Variants in OGDH observed in about 807,000 individuals in gnomAD.
OGDH encodes the protein 2-oxoglutarate dehydrogenase complex component E1.
A neutral mutation model predicts 116.6 loss-of-function variants in OGDH; 38 were observed. The ratio of observed to expected loss-of-function variants is 0.33; its 90% CI spans 0.25 to 0.43. OGDH has a LOEUF of 0.43. OGDH is among the 20% of genes least tolerant of loss of function. The pLI is 1.00. For missense variants in OGDH, 825 were observed against 1,357.2 expected (o/e 0.61, Z 6.16); for synonymous variants, 488 against 533.3 (o/e 0.92, Z 1.17).
intron 4 of OGDH, chr7:44,656,211 T>TA (rs1421634691): frequency 9.5e-7 from 1 of 1,056,018 alleles, no homozygotes; most frequent in African/African-American, 1.6e-5. Context: ...TGCTACCTGT[T>TA]ACTGTGGTAA....
intron 3 of OGDH, among the ~76,000 whole-genome samples, chr7:44,647,077 G>C (rs1786219186): frequency 1.3e-5 from 2 of 152,190 alleles, no homozygotes; most frequent in South Asian, 4.1e-4. Context: ...ATGTGCCACT[G>C]TACCCAGCAC....
chr7:44,622,508 A>G lies in OGDH; in HGVS notation c.-27-1809A>G, dbSNP rs113646403. On this transcript the variant is annotated intron_variant, in intron 1 of 22. Coordinates refer to ENST00000222673, the MANE Select transcript of OGDH (RefSeq NM_002541.4). ...TTCTGCTGTTTACTTTTGCTGACCT[A>G]TCTCTTCTCAGTGGAGCAGGCCAGA... 7.2e-3 allele frequency among the ~76,000 whole-genome samples: 1,096 copies of G among 151,866 alleles called. 11 individuals carry two copies. Among genetic ancestry groups the G allele is most frequent in the African/African-American group, 0.024 (1,011 of 41,400 alleles).
At chr7:44,643,313 A>G (rs1285337309) in intron 2 of OGDH, among the ~76,000 whole-genome samples, 2 of 152,112 alleles carry the variant, frequency 1.3e-5, no homozygotes, top group African/African-American at 2.4e-5. Flanking sequence ...CTGTGCAGTC[A>G]CATCTCTGGT....
intron 2 of OGDH, among the ~76,000 whole-genome samples, chr7:44,639,733 T>A (rs1785844599): frequency 6.6e-6 from 1 of 152,132 alleles, no homozygotes; most frequent in Admixed American, 6.5e-5. Context: ...GAATGGGCTC[T>A]TTGTCTGAAG....
rs974218114 is a variant in OGDH, at chr7:44,674,559, T to C, written c.935+2T>C. On this transcript the variant is annotated splice_donor_variant, in intron 7 of 22. Transcript: ENST00000222673. LOFTEE classifies it high-confidence loss of function. ...CGTGATCATGGGCATGCCACACAGG[T>C]ACAGCCAAGGGCGCGCCCAACCTGG... The C allele has an allele frequency of 6.2e-7, 1 of 1,613,786 alleles. No homozygotes were observed. The highest frequency in any genetic ancestry group is 8.5e-7 in the Non-Finnish European group (1 of 1,179,942).
chr7:44,613,240 A>T (rs992598832), intron 1 of OGDH, among the ~76,000 whole-genome samples: 1 of 151,800 alleles, frequency 6.6e-6, no homozygotes, highest in South Asian at 2.1e-4. Context: ...CAGTGTTGTG[A>T]TCTCGGCTCA....
intron 1 of OGDH, among the ~76,000 whole-genome samples, chr7:44,618,591 T>G (rs1000364177): frequency 6.6e-6 from 1 of 152,208 alleles, no homozygotes; most frequent in Non-Finnish European, 1.5e-5. Flanking sequence ...GTATTTCTCC[T>G]TGGTTCCTGA....
At chr7:44,616,427 A>C (rs1470384372) in intron 1 of OGDH, among the ~76,000 whole-genome samples, 1 of 152,068 alleles carries the variant, frequency 6.6e-6, no homozygotes, top group African/African-American at 2.4e-5. Context: ...AGTCCCTACC[A>C]GTGGTGACCA....
chr7:44,690,838 T>G (rs1327064071), intron 10 of OGDH, among the ~76,000 whole-genome samples: 1 of 152,224 alleles, frequency 6.6e-6, no homozygotes, highest in Non-Finnish European at 1.5e-5. Context: ...CTGCAGGCCC[T>G]TCTTTACATG....
At chr7:44,623,960 A>G (rs796238155) in intron 1 of OGDH, among the ~76,000 whole-genome samples, 10 of 152,146 alleles carry the variant, frequency 6.6e-5, no homozygotes, top group African/African-American at 2.4e-4. Context: ...TAAATTTTTA[A>G]GTGAAGATGG....
intron 2 of OGDH, among the ~76,000 whole-genome samples, 161 bp from the exon 3 acceptor site, chr7:44,645,166 A>G (rs1786112638): frequency 6.6e-6 from 1 of 152,036 alleles, no homozygotes; most frequent in South Asian, 2.1e-4. Context: ...AGAGAAACCC[A>G]CCGTTTGGGA....
rs753855534 is a variant in OGDH at position 44,707,899 on chromosome 7, C to A, written c.2972C>A (p.Ala991Glu). 6.2e-7 allele frequency: 1 copy of A among 1,613,438 alleles called. No homozygotes were observed. The highest frequency in any genetic ancestry group is 8.5e-7 in the Non-Finnish European group (1 of 1,179,866). The change falls in exon 23 of 23, where the codon GCG (alanine) becomes GAG (glutamate). Residue 991 changes from alanine to glutamate, a missense_variant. Around this residue, in one of 7 missense-constraint regions of OGDH, gnomAD observed 212 missense variants for 284.3 expected, o/e 0.75. Coordinates refer to ENST00000222673, the MANE Select transcript of OGDH (RefSeq NM_002541.4). The surrounding 1 kb of genome is among the most constrained non-coding windows in gnomAD (Gnocchi z 5.2). ...CTCAGGTATGCCGGCCGGGACCCAG[C>A]GGCTGCTCCAGCCACCGGCAACAAG... ...KPVWYAGRDP[A>E]AAPATGNKKT...
chr7:44,650,945 A>C (rs912360924), intron 4 of OGDH, among the ~76,000 whole-genome samples: 1 of 152,198 alleles, frequency 6.6e-6, no homozygotes, highest in Non-Finnish European at 1.5e-5. Flanking sequence ...CTGTGGATGC[A>C]GGCACAGTTT....
Position 44,621,364 on chromosome 7 carries a change from G to A in OGDH, c.-27-2953G>A, listed in dbSNP as rs566706837. ...GCTAGGATTATAGGCATGAGCCACC[G>A]TGCTTGGCTTTTAATATCTTCTTAT... On this transcript the variant is annotated intron_variant, in intron 1 of 22. Transcript: ENST00000222673. 3.4e-4 allele frequency among the ~76,000 whole-genome samples: 52 copies of A among 152,302 alleles called. 1 individual carries two copies. The highest frequency in any genetic ancestry group is 1.7e-3 in the Admixed American group (26 of 15,290).
chr7:44,647,636 C>T lies in OGDH; in HGVS notation c.415-21C>T, dbSNP rs764674625. 3.1e-6 allele frequency: 5 copies of T among 1,602,814 alleles called. No homozygotes were observed. The Admixed American group carries it at 6.7e-5, about 21-fold the overall frequency. The stretch of plus-strand genomic sequence containing the variant: ...TGTCCTTTTGTGTGTGTCCTTCCCT[C>T]TCATCGTTGGCCACTCATAGATACG... On this transcript the variant is annotated intron_variant, in intron 3 of 22. Coordinates refer to ENST00000222673, the MANE Select transcript of OGDH (RefSeq NM_002541.4).
At chr7:44,687,840 C>A (rs556896808) in intron 10 of OGDH, among the ~76,000 whole-genome samples, 2 of 152,080 alleles carry the variant, frequency 1.3e-5, no homozygotes, top group Non-Finnish European at 2.9e-5. Flanking sequence ...TTTATAAATA[C>A]GTGCAACTAT....
intron 2 of OGDH, among the ~76,000 whole-genome samples, chr7:44,641,523 G>C (rs2115729951): frequency 6.6e-6 from 1 of 152,318 alleles, no homozygotes; most frequent in East Asian, 1.9e-4. Context: ...ACTGCGCCTG[G>C]CCTGATTAGG....
intron 20 of OGDH, 136 bp downstream of exon 20, chr7:44,701,751 C>G (rs1030583503): frequency 2.4e-6 from 2 of 829,984 alleles, no homozygotes; most frequent in Non-Finnish European, 4.0e-6. Flanking sequence ...TGTAAAGACC[C>G]GTGATACATG....
At position 44,662,464 on chromosome 7, in the gene OGDH, C is replaced by CT. The variant is rs199533460; in HGVS notation, c.518-4256dup. Among the ~76,000 whole-genome samples, 801 of 130,788 alleles carry CT rather than the reference C, an allele frequency of 6.1e-3. 4 individuals are homozygous for CT. Among genetic ancestry groups the CT allele is most frequent in the East Asian group, 0.014 (66 of 4,624 alleles). 85.8% of individuals were successfully genotyped at this position (130,788 alleles called of 152,430 possible). Reference sequence around the variant, plus strand: ...CCATTTCTTTCTTTTCTTTTCTTTTCTTTTTTTTTTTTTTTTGAGACAGAG... The same window carrying CT: ...CCATTTCTTTCTTTTCTTTTCTTTTCTTTTTTTTTTTTTTTTTGAGACAGAG... On this transcript the variant is annotated intron_variant, in intron 4 of 22. Transcript: ENST00000222673.
Sources: allele counts gnomAD v4.1 joint callset (sites outside exome capture counted in the v4.1 genomes callset), GRCh38; gene constraint gnomAD v4.1.1; regional missense constraint gnomAD v4.1.1; non-coding constraint Gnocchi (gnomAD v3.1); transcripts MANE v1.5; gene names NCBI Gene and HGNC (gene_info 2026-07-23, HGNC 2026-07-21).